The following RASGRF1 variants were observed in gnomAD, a reference collection of about 807,000 sequenced individuals.
The protein encoded by RASGRF1 is Ras protein specific guanine nucleotide releasing factor 1.
In RASGRF1, 40 loss-of-function variants were observed where a neutral mutation model predicts 138.7. That is an observed-to-expected ratio of 0.29 (90% CI 0.22 to 0.38). RASGRF1 has a LOEUF of 0.38. Ranked by LOEUF, RASGRF1 falls within the 10% of genes least tolerant of loss-of-function variation. RASGRF1 has a pLI of 1.00. For missense variants in RASGRF1, 1,108 were observed against 1,650.4 expected (o/e 0.67, Z 5.69); for synonymous variants, 614 against 663.2 (o/e 0.93, Z 1.14).
intron 26 of RASGRF1, among the ~76,000 whole-genome samples, chr15:78,965,068 A>G (rs1352641618): frequency 2.0e-5 from 3 of 152,200 alleles, no homozygotes; most frequent in African/African-American, 7.2e-5. Context: ...TGCAATGAAG[A>G]TCTTCTAGAA....
At chr15:79,007,333 ATCG>A (rs1413085983) in intron 13 of RASGRF1, among the ~76,000 whole-genome samples, 1 of 152,134 alleles carries the variant, frequency 6.6e-6, no homozygotes, top group Non-Finnish European at 1.5e-5. Flanking sequence ...CGCCACTGGA[ATCG>A]TCTTTTATTG....
intron 1 of RASGRF1, among the ~76,000 whole-genome samples, chr15:79,072,468 G>A (rs2057774646): frequency 1.3e-5 from 2 of 151,364 alleles, no homozygotes; most frequent in East Asian, 1.9e-4. Context: ...GTAGAAACGG[G>A]GTTTCACCGT....
At chr15:79,085,041 C>T (rs1294463820) in intron 1 of RASGRF1, among the ~76,000 whole-genome samples, 2 of 152,186 alleles carry the variant, frequency 1.3e-5, no homozygotes. Context: ...CTGCCTCTGC[C>T]TGCCTCCTGC....
intron 1 of RASGRF1, among the ~76,000 whole-genome samples, chr15:79,077,760 C>T (rs1017614918): frequency 3.3e-5 from 5 of 152,174 alleles, no homozygotes; most frequent in Non-Finnish European, 7.3e-5. Context: ...ATCCTCACTG[C>T]CATGCCTGCT....
chr15:79,068,252 G>A (rs1455329486), intron 1 of RASGRF1, among the ~76,000 whole-genome samples: 2 of 152,050 alleles, frequency 1.3e-5, no homozygotes, highest in Admixed American at 1.3e-4. Context: ...TTCTGTTCAC[G>A]CTGTTTGTTC....
In RASGRF1 at chr15:78,973,203, C is replaced by T; in HGVS notation, c.3612+100G>A. ...GGCTCCCAAATGGGGGCACCCTATG[C>T]AGCAGGTTGGGCCTTGGGGGGCAGA... is the stretch of plus-strand genomic sequence containing the variant. On this transcript the variant is annotated intron_variant, in intron 25 of 26. Transcript: ENST00000558480. The surrounding 1 kb of genome is among the most constrained non-coding windows in gnomAD (Gnocchi z 4.9). The T allele has an allele frequency of 1.1e-6, 1 of 930,378 alleles. No homozygotes were observed. Among genetic ancestry groups the T allele is most frequent in the East Asian group, 2.5e-5 (1 of 39,482 alleles). The allele number at this position is 930,378 out of a possible 1,614,324, so 57.6% of individuals were successfully genotyped here. A position where few individuals can be genotyped will look rare whatever the true frequency, so the allele number is the denominator to read the frequency against.
chr15:79,003,207 T>G (rs2141707761), intron 15 of RASGRF1, among the ~76,000 whole-genome samples: 1 of 152,394 alleles, frequency 6.6e-6, no homozygotes, highest in Non-Finnish European at 1.5e-5. Flanking sequence ...TCCCATGGTC[T>G]AGAATGTTCT....
Position 79,038,465 on chromosome 15 carries a change from C to A in RASGRF1, c.879-3255G>T, listed in dbSNP as rs149357652. Reference sequence around the variant, plus strand: ...CTCAGAAATTACTATCATTGCCCAGCCAACTAAAAAAATTATCTCATATTG... The same window carrying A: ...CTCAGAAATTACTATCATTGCCCAGACAACTAAAAAAATTATCTCATATTG... On this transcript the variant is annotated intron_variant, in intron 5 of 26. Transcript: ENST00000558480. Among the ~76,000 whole-genome samples the A allele has an allele frequency of 1.7e-3, 265 of 152,118 alleles. 1 individual carries two copies. Among genetic ancestry groups the A allele is most frequent in the African/African-American group, 6.2e-3 (259 of 41,506 alleles).
intron 14 of RASGRF1, chr15:79,004,963 G>A (rs1045048066): frequency 1.0e-6 from 1 of 985,152 alleles, no homozygotes; most frequent in Non-Finnish European, 1.2e-6. Context: ...AGGCCATAGG[G>A]CTGAGAGCTG....
chr15:78,983,140 T>C (rs1405060346), intron 23 of RASGRF1, among the ~76,000 whole-genome samples: 2 of 152,188 alleles, frequency 1.3e-5, no homozygotes, highest in African/African-American at 2.4e-5. Context: ...AGAGAGAGAA[T>C]GAACTGCCTC....
chr15:79,037,164 C>T (rs2057233960), intron 5 of RASGRF1, among the ~76,000 whole-genome samples: 1 of 151,982 alleles, frequency 6.6e-6, no homozygotes, highest in Admixed American at 6.6e-5. Flanking sequence ...ATGTGAAGAC[C>T]CTTCAAAATG....
At chr15:79,069,064 TC>T (rs1465507858) in intron 1 of RASGRF1, among the ~76,000 whole-genome samples, 1 of 152,126 alleles carries the variant, frequency 6.6e-6, no homozygotes, top group East Asian at 1.9e-4. Flanking sequence ...CTGAGGCCCC[TC>T]CTTCCTTGGA....
At chr15:79,077,681 G>T (rs1489155956) in intron 1 of RASGRF1, among the ~76,000 whole-genome samples, 1 of 152,178 alleles carries the variant, frequency 6.6e-6, no homozygotes, top group East Asian at 1.9e-4. Context: ...TCCTCTTCCC[G>T]CTGTGTAACT....
intron 24 of RASGRF1, 79 bp downstream of exon 24, chr15:78,980,541 C>T: frequency 8.5e-7 from 1 of 1,176,960 alleles, no homozygotes; most frequent in East Asian, 2.4e-5. Flanking sequence ...CCTGCTCTGG[C>T]TGGGGGCGGC....
At chr15:79,082,146 G>T (rs894881757) in intron 1 of RASGRF1, among the ~76,000 whole-genome samples, 5 of 152,222 alleles carry the variant, frequency 3.3e-5, no homozygotes, top group African/African-American at 1.2e-4. Flanking sequence ...GAGGCCAGTG[G>T]ACTGGGGGTG....
At chr15:79,040,817 G>A (rs1391954540) in intron 5 of RASGRF1, among the ~76,000 whole-genome samples, 2 of 152,140 alleles carry the variant, frequency 1.3e-5, no homozygotes, top group East Asian at 1.9e-4. Context: ...CTCTTTAAGG[G>A]GAATATACCA....
At chr15:79,051,024 A>C (rs1033039618) in intron 3 of RASGRF1, among the ~76,000 whole-genome samples, 1 of 152,250 alleles carries the variant, frequency 6.6e-6, no homozygotes, top group Admixed American at 6.5e-5. Flanking sequence ...AAAAAAAATC[A>C]GAGCAACAGC....
Position 79,006,841 on chromosome 15 carries a change from GTC to G in RASGRF1, c.1827-409_1827-408del, listed in dbSNP as rs377070330. ...AGCCTGGGCAACATGGCGAAACCCTGTCTCTCTTAAAAATACAAAAGTTAGCT... is the reference window on the plus strand; with the variant it reads ...AGCCTGGGCAACATGGCGAAACCCTGTCTCTTAAAAATACAAAAGTTAGCT... On this transcript the variant is annotated intron_variant, in intron 13 of 26. Coordinates refer to ENST00000558480, the MANE Select transcript of RASGRF1 (RefSeq NM_001145648.3). The surrounding 1 kb of genome is among the most constrained non-coding windows in gnomAD (Gnocchi z 4.0). Among the ~76,000 whole-genome samples, 2 of 152,034 alleles carry G rather than the reference GTC, an allele frequency of 1.3e-5. No individual in the cohort carries two copies. Among genetic ancestry groups the G allele is most frequent in the African/African-American group, 4.8e-5 (2 of 41,392 alleles).
chr15:78,986,844 T>TA (rs2056169652), intron 22 of RASGRF1, among the ~76,000 whole-genome samples: 1 of 152,194 alleles, frequency 6.6e-6, no homozygotes. Flanking sequence ...AACTACTACT[T>TA]AAGAGAATCA....
Sources: allele counts gnomAD v4.1 joint callset (sites outside exome capture counted in the v4.1 genomes callset), GRCh38; gene constraint gnomAD v4.1.1; non-coding constraint Gnocchi (gnomAD v3.1); transcripts MANE v1.5; gene names NCBI Gene and HGNC (gene_info 2026-07-23, HGNC 2026-07-21).